The following SLC8A2 variants were observed in gnomAD, a reference collection of about 807,000 sequenced individuals.
The protein encoded by SLC8A2 is solute carrier family 8 member A2.
In SLC8A2, 14 loss-of-function variants were observed where a neutral mutation model predicts 70.2. The observed-to-expected ratio is 0.20, with a 90% CI of 0.13 to 0.31. The LOEUF (loss-of-function observed/expected upper bound fraction) is 0.31. Ranked by LOEUF, SLC8A2 falls within the 10% of genes least tolerant of loss-of-function variation. SLC8A2 has a pLI of 1.00. For missense variants in SLC8A2, 779 were observed against 1,320.1 expected (o/e 0.59, Z 6.35); for synonymous variants, 575 against 594.3 (o/e 0.97, Z 0.47).
chr19:47,453,044 G>A (rs1346211938), intron 3 of SLC8A2, among the ~76,000 whole-genome samples: 1 of 152,036 alleles, frequency 6.6e-6, no homozygotes, highest in Non-Finnish European at 1.5e-5. Context: ...AAAAAATAAA[G>A]AATATCAAAA....
intron 2 of SLC8A2, among the ~76,000 whole-genome samples, chr19:47,463,517 A>T (rs1261715891): frequency 6.7e-6 from 1 of 149,402 alleles, no homozygotes; most frequent in Non-Finnish European, 1.5e-5. Context: ...AGATCACTTG[A>T]GGTTGGGAGT....
At chr19:47,456,088 C>A (rs1364666388) in intron 3 of SLC8A2, among the ~76,000 whole-genome samples, 1 of 152,230 alleles carries the variant, frequency 6.6e-6, no homozygotes, top group Non-Finnish European at 1.5e-5. Flanking sequence ...CATTGGCATA[C>A]AGTGCATGCT....
chr19:47,459,296 G>A (rs148264798), intron 2 of SLC8A2, among the ~76,000 whole-genome samples: 7 of 151,934 alleles, frequency 4.6e-5, no homozygotes, highest in East Asian at 3.9e-4. Flanking sequence ...CTGTCTCAGC[G>A]GTTTTCTTAG....
intron 2 of SLC8A2, among the ~76,000 whole-genome samples, chr19:47,460,472 T>G (rs532481085): frequency 5.9e-5 from 9 of 152,016 alleles, no homozygotes; most frequent in South Asian, 4.1e-4. Flanking sequence ...CCAAAGTGGG[T>G]GGATCACCTG....
At chr19:47,452,439 AGAGAGAGTGTGTGT>A (rs1327943258) in intron 3 of SLC8A2, among the ~76,000 whole-genome samples, 125 of 77,762 alleles carry the variant, frequency 1.6e-3, no homozygotes, top group East Asian at 8.0e-3. Context: ...AGAGAGAGAG[AGAGAGAGTGTGTGT>A]GTGTGTGTGT....
chr19:47,467,996 ACT>A (rs1967485875), intron 1 of SLC8A2, among the ~76,000 whole-genome samples: 1 of 151,832 alleles, frequency 6.6e-6, no homozygotes, highest in South Asian at 2.1e-4. Flanking sequence ...ACAAAACCAG[ACT>A]CTGCCTCAAA....
In SLC8A2 at chr19:47,432,503, G is replaced by A; in HGVS notation, c.2111-58C>T. 1 of 1,490,284 alleles carries A rather than the reference G, an allele frequency of 6.7e-7. No individual in the cohort carries two copies. The highest frequency in any genetic ancestry group is 1.3e-5 in the South Asian group (1 of 75,394). 92.3% of individuals were successfully genotyped at this position (1,490,284 alleles called of 1,614,324 possible). A position where few individuals can be genotyped will look rare whatever the true frequency, so the allele number is the denominator to read the frequency against. ...TCAGACTTCCTTCCTTGCCTACAGA[G>A]GCCCCATTTTGTCTAACTTCCTGAC... is the stretch of plus-strand genomic sequence containing the variant. On this transcript the variant is annotated intron_variant, in intron 8 of 9. Transcript: ENST00000236877. This position sits in a 1 kb window ranked among gnomAD's most constrained non-coding sequence, Gnocchi z 6.2.
chr19:47,435,389 C>A (rs830154), intron 8 of SLC8A2, among the ~76,000 whole-genome samples: 146,537 of 152,058 alleles, frequency 0.96, 70,837 homozygotes, highest in East Asian at 1. Flanking sequence ...CCGCCACCTC[C>A]CACCTCGTTT....
At chr19:47,464,323 G>T (rs924665407) in intron 2 of SLC8A2, among the ~76,000 whole-genome samples, 2 of 152,026 alleles carry the variant, frequency 1.3e-5, no homozygotes, top group East Asian at 3.9e-4. Context: ...TGTTGGCCAG[G>T]CTGGTCTCGA....
In SLC8A2 at chr19:47,428,753, T is replaced by A. The variant is rs1966909667; in HGVS notation, c.*1336A>T. The A allele has an allele frequency of 6.6e-6, 1 of 152,148 alleles. No individual in the cohort carries two copies. Among genetic ancestry groups the A allele is most frequent in the Non-Finnish European group, 1.5e-5 (1 of 67,940 alleles). The allele number at this position is 152,148 out of a possible 1,614,324, so 9.4% of individuals were successfully genotyped here. On this transcript the variant is annotated 3_prime_UTR_variant, in exon 10 of 10. Coordinates refer to ENST00000236877, the MANE Select transcript of SLC8A2 (RefSeq NM_015063.3). The stretch of plus-strand genomic sequence containing the variant: ...GATGATGAGCTGGGGGAGAGAAGGG[T>A]AGTGGGTAACGGGTCTGGGATGTTG...
rs1258602570 is a variant in SLC8A2 at position 47,432,622 on chromosome 19, C to T, written c.2111-177G>A. The stretch of plus-strand genomic sequence containing the variant: ...AAAAACAGTTACTTTCCCAGAATCC[C>T]TTGAAGCTAGGAGCTTGATTGGGCC... On this transcript the variant is annotated intron_variant, in intron 8 of 9. Coordinates refer to ENST00000236877, the MANE Select transcript of SLC8A2 (RefSeq NM_015063.3). The surrounding 1 kb of genome is among the most constrained non-coding windows in gnomAD (Gnocchi z 6.2). 4.2e-4 allele frequency: 240 copies of T among 567,188 alleles called. No homozygotes were observed. Among genetic ancestry groups the T allele is most frequent in the Middle Eastern group, 3.1e-3 (11 of 3,562 alleles). 35.1% of individuals were successfully genotyped at this position (567,188 alleles called of 1,614,324 possible). A position where few individuals can be genotyped will look rare whatever the true frequency, so the allele number is the denominator to read the frequency against.
chr19:47,439,880 T>C (rs953262949), intron 6 of SLC8A2, among the ~76,000 whole-genome samples: 49 of 152,270 alleles, frequency 3.2e-4, no homozygotes, highest in African/African-American at 1.1e-3. Flanking sequence ...GTTAGGCTGG[T>C]CTTGAACTCC....
chr19:47,437,437 T>C, intron 8 of SLC8A2, 25 bp downstream of exon 8: 2 of 1,430,318 alleles, frequency 1.4e-6, no homozygotes, highest in Non-Finnish European at 2.0e-6. Flanking sequence ...TCTTTCTCTC[T>C]TCTCTCTCCT....
intron 4 of SLC8A2, among the ~76,000 whole-genome samples, chr19:47,444,276 C>G (rs1967132531): frequency 1.3e-5 from 2 of 152,012 alleles, no homozygotes. Flanking sequence ...CAACACACTT[C>G]AAGCAGAAGA....
At chr19:47,452,656 T>C (rs540523631) in intron 3 of SLC8A2, among the ~76,000 whole-genome samples, 2 of 152,112 alleles carry the variant, frequency 1.3e-5, no homozygotes, top group African/African-American at 2.4e-5. Context: ...ACAGGACTTA[T>C]GTTTCAGCAC....
intron 2 of SLC8A2, 44 bp from the exon 3 acceptor site, chr19:47,457,638 C>T: frequency 7.7e-7 from 1 of 1,301,590 alleles, no homozygotes; most frequent in Non-Finnish European, 1.0e-6. Context: ...GGGCCGCCTT[C>T]TCCCTCCCCG....
chr19:47,443,005 C>G (rs1169315322), intron 4 of SLC8A2, among the ~76,000 whole-genome samples: 10 of 152,080 alleles, frequency 6.6e-5, no homozygotes, highest in African/African-American at 2.4e-4. Flanking sequence ...ATATCACCTT[C>G]TAACACCCTC....
rs546372432 is a variant in SLC8A2, at chr19:47,448,723, T to C, written c.1341-492A>G. On this transcript the variant is annotated intron_variant, in intron 3 of 9. Transcript: ENST00000236877. This position sits in a 1 kb window ranked among gnomAD's most constrained non-coding sequence, Gnocchi z 4.8. ...AGCTCCCGGGTTTCTAGAATCGCAT[T>C]TCTAACGAGCTCCAGGGGATGTCCT... 1.0e-3 allele frequency among the ~76,000 whole-genome samples: 154 copies of C among 152,260 alleles called. No homozygotes were observed. The highest frequency in any genetic ancestry group is 2.1e-3 in the South Asian group (10 of 4,828).
chr19:47,452,049 G>A (rs1321350815), intron 3 of SLC8A2, among the ~76,000 whole-genome samples: 1 of 152,090 alleles, frequency 6.6e-6, no homozygotes, highest in Non-Finnish European at 1.5e-5. Context: ...CTCAATTGAC[G>A]TTGAGTTAAC....
Sources: allele counts gnomAD v4.1 joint callset (sites outside exome capture counted in the v4.1 genomes callset), GRCh38; gene constraint gnomAD v4.1.1; non-coding constraint Gnocchi (gnomAD v3.1); transcripts MANE v1.5; gene names NCBI Gene and HGNC (gene_info 2026-07-23, HGNC 2026-07-21).